The following HLTF variants were observed in gnomAD, a reference collection of about 807,000 sequenced individuals.
HLTF encodes helicase like transcription factor.
HLTF carries 127 observed loss-of-function variants against 129.4 expected under a neutral mutation model. The observed-to-expected ratio is 0.98, with a 90% CI of 0.85 to 1.14. The LOEUF is 1.14. HLTF is among the 50% of genes most tolerant of loss of function. The pLI is 0.00. For synonymous variants in HLTF, 332 were observed against 388.8 expected (o/e 0.85, Z 1.72); for missense variants, 1,139 against 1,187.1 (o/e 0.96, Z 0.60).
chr3:149,036,857 T>C (rs555511633), intron 23 of HLTF, among the ~76,000 whole-genome samples: 5 of 152,328 alleles, frequency 3.3e-5, no homozygotes, highest in Middle Eastern at 3.4e-3. Flanking sequence ...AGAAACAACA[T>C]TGGAAAGCTT....
At chr3:149,077,179 C>A (rs1719436991) in intron 2 of HLTF, among the ~76,000 whole-genome samples, 1 of 151,948 alleles carries the variant, frequency 6.6e-6, no homozygotes, top group South Asian at 2.1e-4. Flanking sequence ...ACCCGGCAGG[C>A]AGAGGTTGCA....
chr3:149,070,902 G>A (rs921759468), intron 7 of HLTF, among the ~76,000 whole-genome samples: 2 of 152,044 alleles, frequency 1.3e-5, no homozygotes, highest in African/African-American at 4.8e-5. Flanking sequence ...AAAATTAGCT[G>A]GGCATGGTGG....
chr3:149,078,856 CAAA>C (rs35279410), intron 2 of HLTF, among the ~76,000 whole-genome samples: 3 of 129,996 alleles, frequency 2.3e-5, no homozygotes. Context: ...GACTCCGTCT[CAAA>C]AAAAAAAAAA....
chr3:149,050,130 A>G (rs1716863703), intron 15 of HLTF, 102 bp downstream of exon 15: 1 of 640,456 alleles, frequency 1.6e-6, no homozygotes, highest in Non-Finnish European at 2.4e-6. Context: ...TCTAAAGAGA[A>G]AAAAAAAGTA....
chr3:149,040,760 G>T (rs1716063509), intron 20 of HLTF, among the ~76,000 whole-genome samples: 1 of 152,068 alleles, frequency 6.6e-6, no homozygotes, highest in Non-Finnish European at 1.5e-5. Context: ...TGGGGAAGAG[G>T]GAGAGGGTAA....
intron 13 of HLTF, among the ~76,000 whole-genome samples, chr3:149,056,689 T>TAAG (rs1213441267): frequency 2.6e-5 from 4 of 152,216 alleles, no homozygotes; most frequent in African/African-American, 9.7e-5. Flanking sequence ...GTAGGTGCAG[T>TAAG]AAGAGATTCG....
chr3:149,078,936 G>A (rs116028561), intron 2 of HLTF, among the ~76,000 whole-genome samples: 2,788 of 151,736 alleles, frequency 0.018, 88 homozygotes, highest in African/African-American at 0.064. Flanking sequence ...AAAGCATGGA[G>A]ACGATGTCTC....
chr3:149,043,211 T>C (rs1716273535), intron 18 of HLTF, among the ~76,000 whole-genome samples: 1 of 150,504 alleles, frequency 6.6e-6, no homozygotes, highest in South Asian at 2.1e-4. Context: ...AAACAGTGAA[T>C]CATCAGAGAA....
intron 8 of HLTF, among the ~76,000 whole-genome samples, chr3:149,066,807 A>T (rs745816115): frequency 5.3e-5 from 8 of 152,242 alleles, no homozygotes; most frequent in Non-Finnish European, 1.2e-4. Flanking sequence ...AGAACAAGAC[A>T]TAAAACATTA....
At chr3:149,036,446 GC>G (rs1382336511) in intron 23 of HLTF, among the ~76,000 whole-genome samples, 1 of 151,666 alleles carries the variant, frequency 6.6e-6, no homozygotes. Flanking sequence ...TTGCCACCAT[GC>G]CCCGCTAATT....
At chr3:149,063,863 C>T (rs1246309314) in intron 9 of HLTF, among the ~76,000 whole-genome samples, 1 of 152,050 alleles carries the variant, frequency 6.6e-6, no homozygotes, top group Non-Finnish European at 1.5e-5. Flanking sequence ...TTTACATGTT[C>T]AAATCTCAGA....
intron 14 of HLTF, among the ~76,000 whole-genome samples, chr3:149,051,630 G>C (rs996702865): frequency 1.3e-5 from 2 of 152,234 alleles, no homozygotes; most frequent in Non-Finnish European, 1.5e-5. Context: ...GGAGGCCAAG[G>C]CGGGTGGATC....
chr3:149,069,237 C>T (rs190337105), intron 7 of HLTF, among the ~76,000 whole-genome samples: 34 of 152,080 alleles, frequency 2.2e-4, no homozygotes, highest in Admixed American at 1.6e-3. Flanking sequence ...TTTGGGAGGC[C>T]GAAGCAGGTG....
Position 149,071,391 on chromosome 3 carries a change from A to G in HLTF, c.755T>C (p.Val252Ala), listed in dbSNP as rs1718846772. ...PHQKQALAWM[V>A]SRENSKELPP... ...AAGTTCTTTGCTATTTTCCCGTGACACCATCCAAGCTAGAGCTTGTTTTTG... is the reference window on the plus strand; with the variant it reads ...AAGTTCTTTGCTATTTTCCCGTGACGCCATCCAAGCTAGAGCTTGTTTTTG... Residue 252 changes from valine to alanine, a missense_variant, in exon 7 of 25, where the codon GTG becomes GCG. Coordinates refer to ENST00000310053, the MANE Select transcript of HLTF (RefSeq NM_003071.4). 1.9e-6 allele frequency: 3 copies of G among 1,613,994 alleles called. No individual in the cohort carries two copies. The highest frequency in any genetic ancestry group is 2.5e-6 in the Non-Finnish European group (3 of 1,179,900).
chr3:149,054,361 A>C (rs768202785), intron 14 of HLTF, among the ~76,000 whole-genome samples: 3 of 152,188 alleles, frequency 2.0e-5, no homozygotes, highest in Non-Finnish European at 2.9e-5. Context: ...CAGTGGGAAG[A>C]GACTAAATAA....
At chr3:149,041,762 G>T in intron 19 of HLTF, 94 bp from the exon 20 acceptor site, 1 of 850,042 alleles carries the variant, frequency 1.2e-6, no homozygotes, top group Non-Finnish European at 1.8e-6. Flanking sequence ...TGCCAGTAGG[G>T]AAAGTCTCTC....
At position 149,041,461 on chromosome 3, in the gene HLTF, A is replaced by G. The variant is rs1159629370; in HGVS notation, c.2376+29T>C. 5.2e-6 allele frequency: 8 copies of G among 1,543,546 alleles called. No homozygotes were observed. The African/African-American group carries it at 1.1e-4, about 21-fold the overall frequency. On this transcript the variant is annotated intron_variant, in intron 20 of 24. Coordinates refer to ENST00000310053, the MANE Select transcript of HLTF (RefSeq NM_003071.4). Reference sequence around the variant, plus strand: ...AGACAGGTACACTACTCTATCAAACACTGAACCTGTACTGAGCAAAAAACT... The same window carrying G: ...AGACAGGTACACTACTCTATCAAACGCTGAACCTGTACTGAGCAAAAAACT...
At chr3:149,065,005 A>G in intron 8 of HLTF, 139 bp from the exon 9 acceptor site, 1 of 459,780 alleles carries the variant, frequency 2.2e-6, no homozygotes, top group Non-Finnish European at 3.8e-6. Flanking sequence ...ACTGAAGGGG[A>G]GGGTGAATAA....
At chr3:149,067,117 CACTAA>C (rs1323074900) in intron 8 of HLTF, among the ~76,000 whole-genome samples, 1 of 151,646 alleles carries the variant, frequency 6.6e-6, no homozygotes, top group East Asian at 1.9e-4. Context: ...TTATTTTTCT[CACTAA>C]ACTAATTTTT....
Sources: gnomAD v4.1 joint callset for allele counts (sites outside exome capture counted in the v4.1 genomes callset) on GRCh38, gnomAD v4.1.1 for gene constraint, MANE v1.5 for transcripts, NCBI Gene and HGNC (gene_info 2026-07-23, HGNC 2026-07-21) for gene names.